The following LRRC28 variants were observed in gnomAD, a reference collection of about 807,000 sequenced individuals.
LRRC28 encodes leucine-rich repeat-containing protein 28.
In LRRC28, 39 loss-of-function variants were observed where a neutral mutation model predicts 45.7. That is an observed-to-expected ratio of 0.85 (90% confidence interval 0.66 to 1.12). The LOEUF (loss-of-function observed/expected upper bound fraction) is 1.12. Ranked by LOEUF, LRRC28 falls within the 50% of genes most tolerant of loss-of-function variation. The pLI, the probability that LRRC28 is intolerant of heterozygous loss-of-function variation, is 0.00. For missense variants in LRRC28, 435 were observed against 438.5 expected (o/e 0.99, Z 0.07); for synonymous variants, 206 against 178.8 (o/e 1.15, Z -1.22).
At chr15:99,305,884 A>C in intron 5 of LRRC28, among the ~76,000 whole-genome samples, 1 of 152,244 alleles carries the variant, frequency 6.6e-6, no homozygotes, top group East Asian at 1.9e-4. Flanking sequence ...TGTGATGCAT[A>C]ACTTCGCATT....
intron 6 of LRRC28, among the ~76,000 whole-genome samples, chr15:99,344,458 G>T (rs1165274134): frequency 6.6e-6 from 1 of 152,128 alleles, no homozygotes; most frequent in African/African-American, 2.4e-5. Context: ...TGTCCATGAG[G>T]CATTATGCTG....
intron 5 of LRRC28, among the ~76,000 whole-genome samples, chr15:99,325,553 G>A (rs993542434): frequency 3.9e-5 from 6 of 152,170 alleles, no homozygotes; most frequent in East Asian, 1.9e-4. Flanking sequence ...CACCATTAAC[G>A]TAGTGTTCCA....
chr15:99,334,402 A>T (rs1956254616), intron 6 of LRRC28, among the ~76,000 whole-genome samples: 3 of 144,698 alleles, frequency 2.1e-5, no homozygotes, highest in Middle Eastern at 3.5e-3. Flanking sequence ...GGAATTAAAG[A>T]GTGTGTGTGT....
intron 5 of LRRC28, among the ~76,000 whole-genome samples, chr15:99,298,335 G>GT (rs1208511403): frequency 6.6e-6 from 1 of 152,188 alleles, no homozygotes; most frequent in Non-Finnish European, 1.5e-5. Context: ...GAAGGCAGAT[G>GT]TGATTTGTGG....
chr15:99,373,865 A>T lies in LRRC28; in HGVS notation c.1031+10600A>T, dbSNP rs111270992. On this transcript the variant is annotated intron_variant, in intron 9 of 9. Coordinates refer to ENST00000301981, the MANE Select transcript of LRRC28 (RefSeq NM_144598.5). Reference sequence around the variant, plus strand: ...TAGTAATGCTTTTTGTGTTCTAAGAAATCTTTACCTACCCCCAAGGTCATG... The same window carrying T: ...TAGTAATGCTTTTTGTGTTCTAAGATATCTTTACCTACCCCCAAGGTCATG... Among the ~76,000 whole-genome samples the T allele has an allele frequency of 5.3e-5, 8 of 152,274 alleles. 1 individual carries two copies. The highest frequency in any genetic ancestry group is 1.9e-4 in the African/African-American group (8 of 41,564).
At chr15:99,275,908 C>T (rs2081605399) in intron 2 of LRRC28, among the ~76,000 whole-genome samples, 1 of 152,154 alleles carries the variant, frequency 6.6e-6, no homozygotes, top group Non-Finnish European at 1.5e-5. Flanking sequence ...GGCCGCACAG[C>T]AGGAGGTGAG....
At chr15:99,367,089 G>T (rs926910684) in intron 9 of LRRC28, among the ~76,000 whole-genome samples, 1 of 152,134 alleles carries the variant, frequency 6.6e-6, no homozygotes, top group Non-Finnish European at 1.5e-5. Flanking sequence ...AGATCCCACA[G>T]GTTAAGGGCT....
chr15:99,330,658 T>A (rs889891676), intron 5 of LRRC28, among the ~76,000 whole-genome samples: 2 of 152,176 alleles, frequency 1.3e-5, no homozygotes, highest in African/African-American at 4.8e-5. Context: ...TTGTTTTTTA[T>A]GCGGTTGACA....
chr15:99,298,039 T>C (rs2082310271), intron 5 of LRRC28, among the ~76,000 whole-genome samples: 1 of 151,848 alleles, frequency 6.6e-6, no homozygotes, highest in Non-Finnish European at 1.5e-5. Flanking sequence ...AGTTCATTGC[T>C]ACAATACTTT....
intron 2 of LRRC28, among the ~76,000 whole-genome samples, chr15:99,269,900 G>T (rs2081429807): frequency 6.6e-6 from 1 of 152,174 alleles, no homozygotes; most frequent in Non-Finnish European, 1.5e-5. Flanking sequence ...AAAGGTAATG[G>T]TAACTAGGAC....
intron 2 of LRRC28, among the ~76,000 whole-genome samples, chr15:99,269,075 GTTT>G (rs574928357): frequency 6.6e-6 from 1 of 151,786 alleles, no homozygotes; most frequent in Admixed American, 6.6e-5. Context: ...TGGATGTATA[GTTT>G]TTTTTATTTT....
chr15:99,312,783 G>A (rs565658237), intron 5 of LRRC28, among the ~76,000 whole-genome samples: 1 of 152,116 alleles, frequency 6.6e-6, no homozygotes, highest in African/African-American at 2.4e-5. Context: ...AATTGTATGG[G>A]ACCACTGTCT....
intron 5 of LRRC28, among the ~76,000 whole-genome samples, chr15:99,308,520 A>C (rs1290655586): frequency 6.6e-6 from 1 of 152,060 alleles, no homozygotes; most frequent in Non-Finnish European, 1.5e-5. Flanking sequence ...AAAAATAAAA[A>C]ACTTAGTTAG....
intron 9 of LRRC28, among the ~76,000 whole-genome samples, chr15:99,375,791 C>T (rs909607580): frequency 3.3e-5 from 5 of 151,984 alleles, no homozygotes; most frequent in Non-Finnish European, 7.4e-5. Context: ...TTTTTAATGG[C>T]TGTAGGATCT....
rs146179185 is a variant in LRRC28, at chr15:99,256,077, G to A, written c.120G>A (p.Leu40=). 41 of 1,613,626 alleles carry A rather than the reference G, an allele frequency of 2.5e-5. No individual in the cohort carries two copies. Among genetic ancestry groups the A allele is most frequent in the Non-Finnish European group, 3.4e-5 (40 of 1,179,788 alleles). ...TGGAGTTACTGAAAGATGAGGGACT[G>A]CAGTACTTGGAGAGACTCTATATGA... ...FPLELLKDEG[L]QYLERLYMKR... The change falls in exon 2 of 10, where the codon CTG becomes CTA. Residue 40 remains leucine, a synonymous_variant. Transcript: ENST00000301981.
intron 2 of LRRC28, chr15:99,259,544 C>A: frequency 7.9e-7 from 1 of 1,258,214 alleles, no homozygotes; most frequent in Non-Finnish European, 1.2e-6. Flanking sequence ...GACAGAATCT[C>A]TGTGTGCTTT....
intron 9 of LRRC28, among the ~76,000 whole-genome samples, chr15:99,373,720 G>A (rs1356062039): frequency 6.6e-6 from 1 of 152,026 alleles, no homozygotes; most frequent in African/African-American, 2.4e-5. Flanking sequence ...AAAATTTACA[G>A]AATTTCCTGA....
chr15:99,286,104 A>G (rs1480083006), intron 3 of LRRC28, among the ~76,000 whole-genome samples: 2 of 152,160 alleles, frequency 1.3e-5, no homozygotes, highest in African/African-American at 4.8e-5. Context: ...ATTCTATTTA[A>G]AAGTACTTTA....
intron 3 of LRRC28, among the ~76,000 whole-genome samples, chr15:99,286,031 TTG>T (rs1342799970): frequency 3.3e-5 from 5 of 152,230 alleles, no homozygotes; most frequent in African/African-American, 1.2e-4. Context: ...CTGTCTTATT[TTG>T]TGTTTATTGA....
Sources: allele counts gnomAD v4.1 joint callset (sites outside exome capture counted in the v4.1 genomes callset), GRCh38; gene constraint gnomAD v4.1.1; transcripts MANE v1.5; gene names NCBI Gene and HGNC (gene_info 2026-07-23, HGNC 2026-07-21).